Variants in MTCH1 observed in about 807,000 individuals in gnomAD.
The protein encoded by MTCH1 is mitochondrial carrier 1.
Under a neutral mutation model 49.3 loss-of-function variants are expected in MTCH1, and 23 were observed. The observed-to-expected ratio is 0.47, with a 90% confidence interval of 0.34 to 0.66. The LOEUF (loss-of-function observed/expected upper bound fraction) is 0.66, where lower values mean the gene tolerates loss of function less well. Among genes scored for constraint, MTCH1 ranks in the 30% least tolerant of loss-of-function variants. The pLI is 0.01. For synonymous variants in MTCH1, 229 were observed against 215.2 expected (o/e 1.06, Z -0.56); for missense variants, 397 against 532.1 (o/e 0.75, Z 2.50).
intron 8 of MTCH1, among the ~76,000 whole-genome samples, chr6:36,971,437 C>T (rs3778027): frequency 0.28 from 41,881 of 151,992 alleles, 6,257 homozygotes; most frequent in East Asian, 0.48. Context: ...AACCACTTAG[C>T]GGTGCACTCC....
At position 36,977,137 on chromosome 6, in the gene MTCH1, C is replaced by G. The variant is rs1763908520; in HGVS notation, c.701+62G>C. 5 of 1,561,994 alleles carry G rather than the reference C, an allele frequency of 3.2e-6. No individual in the cohort carries two copies. In the South Asian group the frequency reaches 5.6e-5, roughly 17 times the overall value. ...GGTGCAGCAACCAATCCCAGCACGG[C>G]CTGCCCTGGCCGACTCTGAAAGGGT... is the stretch of plus-strand genomic sequence containing the variant. On this transcript the variant is annotated intron_variant, in intron 6 of 11. Transcript: ENST00000373627. This position sits in a 1 kb window ranked among gnomAD's most constrained non-coding sequence, Gnocchi z 5.4.
intron 1 of MTCH1, 84 bp downstream of exon 1, chr6:36,985,769 G>T: frequency 2.8e-5 from 12 of 431,334 alleles, no homozygotes; most frequent in East Asian, 1.7e-4. Context: ...CGTCGCCATT[G>T]ACTGCCCGCC....
At chr6:36,975,829 A>G (rs2293387) in intron 6 of MTCH1, 112 bp from the exon 7 acceptor site, 228,047 of 905,352 alleles carry the variant, frequency 0.25, 29,022 homozygotes, top group South Asian at 0.32. Context: ...CAGTCCTGGC[A>G]GGGATGGGGA....
intron 11 of MTCH1, chr6:36,969,444 C>G: frequency 9.4e-7 from 1 of 1,067,400 alleles, no homozygotes; most frequent in Non-Finnish European, 1.1e-6. Context: ...CAGGAAAAGG[C>G]AAGGTTCTGC....
intron 11 of MTCH1, chr6:36,969,374 A>T (rs1763591287): frequency 9.3e-7 from 1 of 1,075,656 alleles, no homozygotes. Flanking sequence ...CCTCGAGGCC[A>T]CTCAGAGTTC....
intron 10 of MTCH1, 137 bp from the exon 11 acceptor site, chr6:36,970,251 G>A (rs1052022354): frequency 1.4e-6 from 2 of 1,415,272 alleles, no homozygotes; most frequent in African/African-American, 1.4e-5. Context: ...ACCCCAGGGG[G>A]TGCTGGGAAA....
At chr6:36,985,178 G>A (rs553166602) in intron 1 of MTCH1, among the ~76,000 whole-genome samples, 2 of 150,694 alleles carry the variant, frequency 1.3e-5, no homozygotes, top group African/African-American at 4.9e-5. Flanking sequence ...GCATTCCCCT[G>A]CAAAAGTCTT....
rs1763941204 is a variant in MTCH1 at position 36,977,799 on chromosome 6, G to A, written c.592-108C>T. 7 of 1,024,132 alleles carry A rather than the reference G, an allele frequency of 6.8e-6. No individual in the cohort carries two copies. The East Asian group carries it at 7.8e-5, about 11-fold the overall frequency. 63.4% of individuals were successfully genotyped at this position (1,024,132 alleles called of 1,614,324 possible). On this transcript the variant is annotated intron_variant, in intron 4 of 11. Coordinates refer to ENST00000373627, the MANE Select transcript of MTCH1 (RefSeq NM_001271641.2). This position sits in a 1 kb window ranked among gnomAD's most constrained non-coding sequence, Gnocchi z 5.4. The stretch of plus-strand genomic sequence containing the variant: ...GAGGGAGAAACCTGTCCCAGGGACT[G>A]CACATGGGGTCGGTCTGCCAAGGAT...
chr6:36,982,064 T>G lies in MTCH1; in HGVS notation c.322-392A>C, dbSNP rs768629439. ...CCAGATGAAAAACTTCATTCCAACC[T>G]CAATTCCAAATGTGGCAATAAGAAA... is the stretch of plus-strand genomic sequence containing the variant. On this transcript the variant is annotated intron_variant, in intron 1 of 11. Coordinates refer to ENST00000373627, the MANE Select transcript of MTCH1 (RefSeq NM_001271641.2). This position sits in a 1 kb window ranked among gnomAD's most constrained non-coding sequence, Gnocchi z 4.1. Among the ~76,000 whole-genome samples the G allele has an allele frequency of 1.3e-5, 2 of 152,128 alleles. No individual in the cohort carries two copies. Among genetic ancestry groups the G allele is most frequent in the Non-Finnish European group, 2.9e-5 (2 of 68,028 alleles).
intron 9 of MTCH1, 79 bp downstream of exon 9, chr6:36,970,568 G>T (rs752588098): frequency 1.0e-5 from 16 of 1,607,464 alleles, no homozygotes; most frequent in Non-Finnish European, 1.3e-5. Flanking sequence ...CCTGCCTCCA[G>T]CCATTACCAG....
chr6:36,975,520 A>G, intron 7 of MTCH1, 138 bp downstream of exon 7: 1 of 767,092 alleles, frequency 1.3e-6, no homozygotes, highest in Non-Finnish European at 2.2e-6. Context: ...AGCTCTGGAG[A>G]GCTGGCTGCA....
In MTCH1 at chr6:36,972,005, T is replaced by C. The variant is rs1261147415; in HGVS notation, c.906+647A>G. On this transcript the variant is annotated intron_variant, in intron 8 of 11. Coordinates refer to ENST00000373627, the MANE Select transcript of MTCH1 (RefSeq NM_001271641.2). The surrounding 1 kb of genome is among the most constrained non-coding windows in gnomAD (Gnocchi z 4.1). ...GACCCGACCTGCTGAAAGGTCTATG[T>C]ATACTAGGCTGTGTAGACCACAGCT... Among the ~76,000 whole-genome samples, 2 of 152,202 alleles carry C rather than the reference T, an allele frequency of 1.3e-5. No individual in the cohort carries two copies. Among genetic ancestry groups the C allele is most frequent in the African/African-American group, 4.8e-5 (2 of 41,442 alleles).
intron 8 of MTCH1, chr6:36,971,062 G>A (rs796882869): frequency 3.0e-6 from 1 of 330,920 alleles, no homozygotes; most frequent in African/African-American, 2.1e-5. Flanking sequence ...CTGGCCTGTG[G>A]GGTGAGGTGA....
Position 36,985,965 on chromosome 6 carries a change from C to T in MTCH1, c.209G>A (p.Gly70Glu), listed in dbSNP as rs1194671656. The change falls in exon 1 of 12, where the codon GGG (glycine) becomes GAG (glutamate). Residue 70 changes from glycine to glutamate, a missense_variant. Gly to Glu is a moderately conservative substitution (Grantham distance 98, BLOSUM62 -2). Transcript: ENST00000373627. ...PSARRMDGGS[G>E]GLGSGDNAPT... ...GGCGTTGTCCCCAGACCCCAGGCCC[C>T]CTGACCCGCCATCCATCCTGCGGGC... 9 of 1,548,864 alleles carry T rather than the reference C, an allele frequency of 5.8e-6. No individual in the cohort carries two copies. The highest frequency in any genetic ancestry group is 2.5e-5 in the East Asian group (1 of 40,580).
intron 1 of MTCH1, among the ~76,000 whole-genome samples, chr6:36,983,046 C>T (rs989781210): frequency 4.6e-5 from 7 of 152,210 alleles, no homozygotes; most frequent in African/African-American, 1.7e-4. Context: ...AACCCTGTCC[C>T]CTTTTGCCTT....
chr6:36,976,060 T>C (rs1430502934), intron 6 of MTCH1, among the ~76,000 whole-genome samples: 1 of 152,042 alleles, frequency 6.6e-6, no homozygotes, highest in Admixed American at 6.5e-5. Flanking sequence ...TACCCGGCCC[T>C]CACACTTATC....
intron 11 of MTCH1, chr6:36,969,821 A>G (rs1215996571): frequency 2.7e-6 from 4 of 1,504,036 alleles, no homozygotes; most frequent in Non-Finnish European, 3.5e-6. Flanking sequence ...TGTCTGATGT[A>G]TAATCTTAAA....
At chr6:36,974,651 G>A (rs774857318) in intron 7 of MTCH1, among the ~76,000 whole-genome samples, 15 of 152,224 alleles carry the variant, frequency 9.9e-5, no homozygotes, top group African/African-American at 2.9e-4. Context: ...GGACACTGCC[G>A]ATGTTCCCCG....
At chr6:36,985,783 A>G (rs1764284070) in intron 1 of MTCH1, 70 bp downstream of exon 1, 6 of 1,238,546 alleles carry the variant, frequency 4.8e-6, no homozygotes, top group Middle Eastern at 2.2e-4. Context: ...GCCCGCCCCA[A>G]TCCTCCAAAT....
Sources: gnomAD v4.1 joint callset for allele counts (sites outside exome capture counted in the v4.1 genomes callset) on GRCh38, gnomAD v4.1.1 for gene constraint, Gnocchi (gnomAD v3.1) non-coding constraint, MANE v1.5 for transcripts, NCBI Gene and HGNC (gene_info 2026-07-23, HGNC 2026-07-21) for gene names.